Variants in ARHGAP24 observed in about 807,000 individuals in gnomAD.
The protein encoded by ARHGAP24 is Rho GTPase activating protein 24.
Under a neutral mutation model 76.4 loss-of-function variants are expected in ARHGAP24, and 50 were observed. The ratio of observed to expected loss-of-function variants is 0.65; its 90% CI spans 0.52 to 0.83. The LOEUF is 0.83. Among genes scored for constraint, ARHGAP24 ranks in the 40% least tolerant of loss-of-function variants. ARHGAP24 has a pLI of 0.00. For missense variants in ARHGAP24, 930 were observed against 914.2 expected (o/e 1.02, Z -0.22); for synonymous variants, 345 against 323.3 (o/e 1.07, Z -0.72).
At chr4:85,535,175 A>G (rs1215550364) in intron 1 of ARHGAP24, among the ~76,000 whole-genome samples, 1 of 152,158 alleles carries the variant, frequency 6.6e-6, no homozygotes, top group South Asian at 2.1e-4. Context: ...TCATTTATTT[A>G]TAGTTTTAAT....
At chr4:85,726,644 A>G (rs1220149203) in intron 3 of ARHGAP24, among the ~76,000 whole-genome samples, 2 of 152,176 alleles carry the variant, frequency 1.3e-5, no homozygotes, top group African/African-American at 2.4e-5. Flanking sequence ...TTGTGCCTTC[A>G]GCAACCAATA....
chr4:85,508,291 A>G (rs1436944561), intron 1 of ARHGAP24, among the ~76,000 whole-genome samples: 1 of 152,214 alleles, frequency 6.6e-6, no homozygotes, highest in Non-Finnish European at 1.5e-5. Context: ...TGAGGGCAAG[A>G]TTTTTATTAG....
chr4:85,587,216 T>C (rs1375294830), intron 2 of ARHGAP24, among the ~76,000 whole-genome samples: 1 of 152,228 alleles, frequency 6.6e-6, no homozygotes, highest in Admixed American at 6.5e-5. Flanking sequence ...CCCCAAGTGG[T>C]ATTCCTTAAT....
intron 5 of ARHGAP24, among the ~76,000 whole-genome samples, chr4:85,955,822 T>C (rs139154404): frequency 0.012 from 1,899 of 152,302 alleles, 32 homozygotes; most frequent in African/African-American, 0.043. Flanking sequence ...GCAAACCATA[T>C]GCTATTGTGA....
At chr4:85,943,508 G>T (rs1027170371) in intron 5 of ARHGAP24, among the ~76,000 whole-genome samples, 2 of 151,962 alleles carry the variant, frequency 1.3e-5, no homozygotes, top group Admixed American at 1.3e-4. Flanking sequence ...TGAGCAGAAC[G>T]TGCAGGTTTG....
chr4:85,882,469 A>G (rs1733313910), intron 3 of ARHGAP24, among the ~76,000 whole-genome samples: 1 of 152,098 alleles, frequency 6.6e-6, no homozygotes, highest in Non-Finnish European at 1.5e-5. Context: ...AAATTAGGAA[A>G]TCTGACTTCC....
intron 2 of ARHGAP24, among the ~76,000 whole-genome samples, chr4:85,703,776 G>A (rs1724192818): frequency 6.6e-6 from 1 of 152,038 alleles, no homozygotes; most frequent in Non-Finnish European, 1.5e-5. Flanking sequence ...ACAGACTAAG[G>A]CACTCTCCAA....
intron 1 of ARHGAP24, among the ~76,000 whole-genome samples, chr4:85,495,642 G>A (rs1358146471): frequency 6.6e-6 from 1 of 152,012 alleles, no homozygotes; most frequent in East Asian, 1.9e-4. Flanking sequence ...GTGAGCCACC[G>A]TGCCTGGCCC....
intron 2 of ARHGAP24, among the ~76,000 whole-genome samples, chr4:85,640,660 C>T (rs530715642): frequency 2.0e-5 from 3 of 152,192 alleles, no homozygotes; most frequent in Non-Finnish European, 2.9e-5. Flanking sequence ...CAGCCTTTGC[C>T]CTCAAAGGAT....
chr4:85,517,847 T>C (rs906190152), intron 1 of ARHGAP24, among the ~76,000 whole-genome samples: 1 of 152,144 alleles, frequency 6.6e-6, no homozygotes, highest in African/African-American at 2.4e-5. Flanking sequence ...CAATATATAA[T>C]TTTATGTGAA....
At chr4:85,963,337 A>T (rs151214848) in intron 5 of ARHGAP24, among the ~76,000 whole-genome samples, 2 of 152,168 alleles carry the variant, frequency 1.3e-5, no homozygotes, top group East Asian at 3.9e-4. Flanking sequence ...ATAAGATTGA[A>T]TCTTGGGTCT....
intron 2 of ARHGAP24, among the ~76,000 whole-genome samples, chr4:85,584,455 G>A (rs987541963): frequency 6.9e-6 from 1 of 144,516 alleles, no homozygotes; most frequent in South Asian, 2.5e-4. Context: ...GTTGGGGGAG[G>A]GGGGAGGGAT....
At chr4:85,958,363 T>G (rs1398666584) in intron 5 of ARHGAP24, among the ~76,000 whole-genome samples, 1 of 152,076 alleles carries the variant, frequency 6.6e-6, no homozygotes, top group Non-Finnish European at 1.5e-5. Flanking sequence ...TCATTGTGAG[T>G]ATGATGATGG....
At chr4:85,640,777 T>C (rs112530004) in intron 2 of ARHGAP24, among the ~76,000 whole-genome samples, 1 of 152,208 alleles carries the variant, frequency 6.6e-6, no homozygotes, top group African/African-American at 2.4e-5. Flanking sequence ...AGTGCATTTA[T>C]GGCTTTGCAT....
chr4:85,832,674 G>A (rs543459179), intron 3 of ARHGAP24, among the ~76,000 whole-genome samples: 13 of 152,174 alleles, frequency 8.5e-5, no homozygotes, highest in Non-Finnish European at 1.5e-4. Context: ...TCAATAAGAA[G>A]TAGTAGGTAC....
intron 3 of ARHGAP24, among the ~76,000 whole-genome samples, chr4:85,895,875 A>T (rs999307828): frequency 6.6e-6 from 1 of 152,180 alleles, no homozygotes; most frequent in African/African-American, 2.4e-5. Flanking sequence ...TGGAAATTTA[A>T]TGCCAGATCT....
At chr4:85,495,503 A>G (rs1578185154) in intron 1 of ARHGAP24, among the ~76,000 whole-genome samples, 1 of 134,282 alleles carries the variant, frequency 7.4e-6, no homozygotes, top group Non-Finnish European at 1.7e-5. Context: ...GGCGCCCGCC[A>G]CCACGCCCAG....
intron 1 of ARHGAP24, among the ~76,000 whole-genome samples, chr4:85,570,208 T>C (rs1727024627): frequency 6.6e-6 from 1 of 152,146 alleles, no homozygotes; most frequent in South Asian, 2.1e-4. Flanking sequence ...GGTCTGTGGT[T>C]TGTGTCTAGA....
At chr4:85,993,547 A>AGT (rs1370837042) in intron 8 of ARHGAP24, among the ~76,000 whole-genome samples, 1 of 152,190 alleles carries the variant, frequency 6.6e-6, no homozygotes, top group African/African-American at 2.4e-5. Flanking sequence ...GAAGCTAAAG[A>AGT]GTGGCCTTGC....
Sources: gnomAD v4.1 joint callset for allele counts (sites outside exome capture counted in the v4.1 genomes callset) on GRCh38, gnomAD v4.1.1 for gene constraint, MANE v1.5 for transcripts, NCBI Gene and HGNC (gene_info 2026-07-23, HGNC 2026-07-21) for gene names.